The following DLC1 variants were observed in gnomAD, a reference collection of about 807,000 sequenced individuals.
The protein encoded by DLC1 is DLC1 Rho GTPase activating protein.
DLC1 carries 54 observed loss-of-function variants against 140.3 expected under a neutral mutation model. That is an observed-to-expected ratio of 0.38 (90% CI 0.31 to 0.48). The LOEUF (loss-of-function observed/expected upper bound fraction) is 0.48, where lower values mean the gene tolerates loss of function less well. Among genes scored for constraint, DLC1 ranks in the 20% least tolerant of loss-of-function variants. The pLI is 0.96. For synonymous variants in DLC1, 986 were observed against 728.1 expected (o/e 1.35, Z -5.70); for missense variants, 2,536 against 1,907.0 (o/e 1.33, Z -6.14).
intron 5 of DLC1, among the ~76,000 whole-genome samples, chr8:13,143,042 TC>T (rs1823123835): frequency 1.2e-5 from 1 of 83,692 alleles, no homozygotes; most frequent in African/African-American, 5.0e-5. Flanking sequence ...AAACTCCGTC[TC>T]AAAAAAAAAA....
intron 2 of DLC1, among the ~76,000 whole-genome samples, chr8:13,463,824 G>C (rs1563369580): frequency 6.6e-6 from 1 of 152,156 alleles, no homozygotes; most frequent in Non-Finnish European, 1.5e-5. Flanking sequence ...TAGGGAAAGA[G>C]GACCATCTGG....
In DLC1 at chr8:13,560,006, G is replaced by A. The variant is rs143606288; in HGVS notation, c.-126+44531C>T. ...TAAGGCAGCTATCTATTGGACTAGC[G>A]TCAGAAAACCTAGATATTATGTTAT... On this transcript the variant is annotated intron_variant, in intron 1 of 1. Coordinates refer to the DLC1 transcript ENST00000631382. Among the ~76,000 whole-genome samples the A allele has an allele frequency of 5.0e-3, 763 of 152,220 alleles. 8 individuals are homozygous for A. The highest frequency in any genetic ancestry group is 0.017 in the African/African-American group (702 of 41,526).
intron 5 of DLC1, among the ~76,000 whole-genome samples, chr8:13,297,824 T>A (rs964369218): frequency 6.6e-6 from 1 of 152,188 alleles, no homozygotes; most frequent in Non-Finnish European, 1.5e-5. Context: ...ATCCAAGCAA[T>A]GATGATCAGA....
At chr8:13,571,874 T>C (rs1284145120) in intron 1 of DLC1, among the ~76,000 whole-genome samples, 2 of 152,182 alleles carry the variant, frequency 1.3e-5, no homozygotes, top group African/African-American at 4.8e-5. Flanking sequence ...CACTTTTTAT[T>C]TTCCCCTTCA....
intron 5 of DLC1, among the ~76,000 whole-genome samples, chr8:13,242,698 A>C (rs1164260438): frequency 6.6e-6 from 1 of 152,108 alleles, no homozygotes; most frequent in Non-Finnish European, 1.5e-5. Context: ...TGGTCTCCTC[A>C]ATAGGTTTAC....
chr8:13,090,815 T>TC (rs1817997778), intron 14 of DLC1, among the ~76,000 whole-genome samples: 1 of 151,084 alleles, frequency 6.6e-6, no homozygotes, highest in African/African-American at 2.4e-5. Context: ...CTTTCTTTTT[T>TC]TTTTTTTTGA....
chr8:13,237,786 G>A (rs569050900), intron 5 of DLC1, among the ~76,000 whole-genome samples: 24 of 152,138 alleles, frequency 1.6e-4, no homozygotes, highest in African/African-American at 5.8e-4. Flanking sequence ...TGACCACACT[G>A]TGGAAATGTT....
chr8:13,365,780 A>T (rs527951174), intron 4 of DLC1, among the ~76,000 whole-genome samples: 19 of 151,310 alleles, frequency 1.3e-4, no homozygotes, highest in East Asian at 3.9e-4. Context: ...TAAAAAAATT[A>T]AAAAAAATCA....
chr8:13,144,412 C>A (rs7836406), intron 5 of DLC1, among the ~76,000 whole-genome samples: 2 of 152,104 alleles, frequency 1.3e-5, no homozygotes, highest in East Asian at 3.9e-4. Context: ...CTCCACCTTG[C>A]GGATGGTGTA....
intron 4 of DLC1, among the ~76,000 whole-genome samples, chr8:13,336,526 C>T (rs1586158890): frequency 6.6e-6 from 1 of 152,246 alleles, no homozygotes; most frequent in Non-Finnish European, 1.5e-5. Context: ...CAAGATAAAG[C>T]CATCATGGTT....
intron 3 of DLC1, among the ~76,000 whole-genome samples, chr8:13,397,813 A>G (rs1438214843): frequency 6.6e-6 from 1 of 151,968 alleles, no homozygotes; most frequent in African/African-American, 2.4e-5. Context: ...AGCCTGAGCA[A>G]CACATATTAA....
chr8:13,141,377 T>C (rs1822983504), intron 5 of DLC1, among the ~76,000 whole-genome samples: 1 of 151,704 alleles, frequency 6.6e-6, no homozygotes, highest in African/African-American at 2.4e-5. Flanking sequence ...TATATGTATG[T>C]GTGCAGATAT....
intron 2 of DLC1, among the ~76,000 whole-genome samples, chr8:13,444,923 C>T (rs1021694425): frequency 2.6e-5 from 4 of 151,922 alleles, no homozygotes; most frequent in African/African-American, 4.8e-5. Context: ...ATGTATTCTT[C>T]AAAGTTCATT....
At chr8:13,353,296 A>T (rs1834760793) in intron 4 of DLC1, 1 of 152,146 alleles carries the variant, frequency 6.6e-6, no homozygotes, top group African/African-American at 2.4e-5. Context: ...CCTCAACTAC[A>T]TATGTGGCAT....
At chr8:13,317,234 C>T (rs140433797) in intron 4 of DLC1, among the ~76,000 whole-genome samples, 4 of 152,320 alleles carry the variant, frequency 2.6e-5, no homozygotes, top group Admixed American at 2.6e-4. Context: ...CAATAAGCCA[C>T]ATTTTTGTTT....
intron 2 of DLC1, among the ~76,000 whole-genome samples, chr8:13,493,557 G>A (rs760237998): frequency 1.3e-5 from 2 of 152,154 alleles, no homozygotes; most frequent in Non-Finnish European, 2.9e-5. Context: ...GAGAACATAT[G>A]TGCTGAGAAC....
At chr8:13,452,976 T>C (rs117423528) in intron 2 of DLC1, among the ~76,000 whole-genome samples, 3,584 of 152,236 alleles carry the variant, frequency 0.024, 63 homozygotes, top group Middle Eastern at 0.038. Flanking sequence ...TTCTTGTTGT[T>C]GTTGTTGTTT....
chr8:13,535,660 A>G (rs1803251143), intron 1 of DLC1, among the ~76,000 whole-genome samples: 5 of 99,394 alleles, frequency 5.0e-5, no homozygotes, highest in Non-Finnish European at 7.6e-5. Context: ...CGTGGGGATC[A>G]TTGCTCATTA....
At chr8:13,226,359 T>G (rs1828795600) in intron 5 of DLC1, among the ~76,000 whole-genome samples, 1 of 152,254 alleles carries the variant, frequency 6.6e-6, no homozygotes, top group African/African-American at 2.4e-5. Context: ...GATAAAGTAG[T>G]GCTGCATACA....
Sources: gnomAD v4.1 joint callset for allele counts (sites outside exome capture counted in the v4.1 genomes callset) on GRCh38, gnomAD v4.1.1 for gene constraint, MANE v1.5 for transcripts, NCBI Gene and HGNC (gene_info 2026-07-23, HGNC 2026-07-21) for gene names.